FRMD5: variants seen among roughly 807,000 people sequenced by gnomAD.
The protein encoded by FRMD5 is FERM domain containing 5.
Under a neutral mutation model 69.0 loss-of-function variants are expected in FRMD5, and 20 were observed. The ratio of observed to expected loss-of-function variants is 0.29; its 90% CI spans 0.20 to 0.42. FRMD5 has a LOEUF of 0.42. Ranked by LOEUF, FRMD5 falls within the 10% of genes least tolerant of loss-of-function variation. The pLI is 1.00. For missense variants in FRMD5, 595 were observed against 708.6 expected (o/e 0.84, Z 1.82); for synonymous variants, 271 against 260.1 (o/e 1.04, Z -0.40).
At chr15:44,029,916 T>G (rs1305901631) in intron 1 of FRMD5, among the ~76,000 whole-genome samples, 5 of 152,222 alleles carry the variant, frequency 3.3e-5, no homozygotes, top group Non-Finnish European at 7.3e-5. Context: ...AACTTATGAA[T>G]GAAAAGCCTC....
intron 2 of FRMD5, 89 bp from the exon 3 acceptor site, chr15:43,919,898 T>C (rs1249444641): frequency 2.5e-6 from 3 of 1,223,062 alleles, no homozygotes; most frequent in South Asian, 1.2e-5. Flanking sequence ...ACTAGACAGA[T>C]TGTAGCCTAG....
At chr15:44,069,303 T>C (rs1381125461) in intron 1 of FRMD5, among the ~76,000 whole-genome samples, 1 of 152,136 alleles carries the variant, frequency 6.6e-6, no homozygotes, top group Non-Finnish European at 1.5e-5. Context: ...AACTACCACA[T>C]AACCTAGCAT....
intron 1 of FRMD5, among the ~76,000 whole-genome samples, chr15:43,995,136 A>G (rs557463709): frequency 6.6e-6 from 1 of 152,358 alleles, no homozygotes; most frequent in African/African-American, 2.4e-5. Flanking sequence ...AAAACAATAT[A>G]GTATTTGCAT....
intron 1 of FRMD5, among the ~76,000 whole-genome samples, chr15:44,015,193 C>T (rs1890901797): frequency 6.6e-6 from 1 of 151,086 alleles, no homozygotes; most frequent in Admixed American, 6.6e-5. Context: ...TGGAGTATAA[C>T]AGTGTGATCA....
chr15:43,931,015 G>A lies in FRMD5; in HGVS notation c.103-6706C>T, dbSNP rs115085449. On this transcript the variant is annotated intron_variant, in intron 1 of 13. Coordinates refer to ENST00000417257, the MANE Select transcript of FRMD5 (RefSeq NM_032892.5). ...GGCTAACAAGAGGGCCAGTCTTATT[G>A]AGATATCAGTGGTGATGCTTCAAGA... 4.6e-3 allele frequency among the ~76,000 whole-genome samples: 697 copies of A among 152,316 alleles called. 10 individuals are homozygous for A. The highest frequency in any genetic ancestry group is 0.016 in the African/African-American group (663 of 41,554).
intron 1 of FRMD5, among the ~76,000 whole-genome samples, chr15:43,951,980 T>TGTGTTG (rs1443393652): frequency 9.3e-6 from 1 of 107,736 alleles, no homozygotes; most frequent in East Asian, 2.4e-4. Flanking sequence ...TGTGTGTGTG[T>TGTGTTG]TGTGTGTGTG....
intron 13 of FRMD5, chr15:43,879,394 C>G: frequency 2.5e-6 from 1 of 397,850 alleles, no homozygotes; most frequent in Admixed American, 4.4e-5. Flanking sequence ...AAGCCACCAC[C>G]TGTCCTGCCA....
intron 1 of FRMD5, among the ~76,000 whole-genome samples, chr15:43,970,075 T>C (rs2090352337): frequency 6.6e-6 from 1 of 152,204 alleles, no homozygotes; most frequent in Admixed American, 6.5e-5. Flanking sequence ...GAACTGGATT[T>C]TGTGCTTAAT....
intron 1 of FRMD5, among the ~76,000 whole-genome samples, chr15:44,041,238 C>T (rs1444980802): frequency 6.6e-6 from 1 of 152,096 alleles, no homozygotes; most frequent in Non-Finnish European, 1.5e-5. Flanking sequence ...TAGACTCCCA[C>T]ACAATGATAC....
rs2088222502 is a variant in FRMD5, at chr15:43,873,546, ATT to A, written c.*337_*338del. Reference sequence around the variant, plus strand: ...GCAATAATCAGTAATAGTAAAATAAATTATTTTTATTTGATACTTCAAAATAA... The same window carrying A: ...GCAATAATCAGTAATAGTAAAATAAAATTTTTATTTGATACTTCAAAATAA... On this transcript the variant is annotated 3_prime_UTR_variant, in exon 14 of 14. Transcript: ENST00000417257. 7.2e-7 allele frequency: 1 copy of A among 1,387,800 alleles called. No individual in the cohort carries two copies. 86.0% of individuals were successfully genotyped at this position (1,387,800 alleles called of 1,614,324 possible). A position where few individuals can be genotyped will look rare whatever the true frequency, so the allele number is the denominator to read the frequency against.
intron 1 of FRMD5, among the ~76,000 whole-genome samples, chr15:44,038,513 G>A (rs1174846406): frequency 6.6e-5 from 1 of 15,256 alleles, no homozygotes; most frequent in Non-Finnish European, 2.6e-4. Context: ...CATATGGCTA[G>A]CCAGAGCTTT....
Position 43,921,354 on chromosome 15 carries a change from T to C in FRMD5, c.208-1545A>G, listed in dbSNP as rs74009158. On this transcript the variant is annotated intron_variant, in intron 2 of 13. Transcript: ENST00000417257. ...ACAAAGGAAGGTAGAAATTAATGAC[T>C]GTGAGATGCATTATCAGCAGAGGGC... Among the ~76,000 whole-genome samples, 281 of 152,290 alleles carry C rather than the reference T, an allele frequency of 1.8e-3. 1 individual carries two copies. The highest frequency in any genetic ancestry group is 6.4e-3 in the African/African-American group (268 of 41,566).
At chr15:44,128,636 G>A (rs1008391451) in intron 1 of FRMD5, among the ~76,000 whole-genome samples, 1 of 152,098 alleles carries the variant, frequency 6.6e-6, no homozygotes, top group Admixed American at 6.5e-5. Context: ...TCCTAGATAT[G>A]TGCTTACCTA....
intron 1 of FRMD5, among the ~76,000 whole-genome samples, chr15:44,191,715 C>A (rs2078196394): frequency 6.6e-6 from 1 of 151,544 alleles, no homozygotes; most frequent in South Asian, 2.1e-4. Context: ...TCAAGTCCAG[C>A]CTAGGCAACA....
chr15:43,898,556 A>C (rs545143657), intron 7 of FRMD5, among the ~76,000 whole-genome samples: 3 of 152,210 alleles, frequency 2.0e-5, no homozygotes, highest in African/African-American at 7.2e-5. Flanking sequence ...CCGTAACAGG[A>C]CATCTCCGTA....
chr15:44,049,542 CAT>C (rs1892568228), intron 1 of FRMD5, among the ~76,000 whole-genome samples: 2 of 151,986 alleles, frequency 1.3e-5, no homozygotes, highest in Non-Finnish European at 2.9e-5. Flanking sequence ...TGGAAAGTGA[CAT>C]AATCAAATTA....
chr15:44,103,803 T>C (rs1193445945), intron 1 of FRMD5, among the ~76,000 whole-genome samples: 1 of 152,230 alleles, frequency 6.6e-6, no homozygotes, highest in Non-Finnish European at 1.5e-5. Flanking sequence ...CAACAATGGA[T>C]CTCATATATG....
At chr15:44,070,321 A>T (rs1893486542) in intron 1 of FRMD5, among the ~76,000 whole-genome samples, 1 of 151,842 alleles carries the variant, frequency 6.6e-6, no homozygotes, top group African/African-American at 2.4e-5. Flanking sequence ...AAATAAAAAT[A>T]AGAAAAAAAA....
At chr15:44,066,341 C>CTA (rs909411310) in intron 1 of FRMD5, among the ~76,000 whole-genome samples, 1 of 152,134 alleles carries the variant, frequency 6.6e-6, no homozygotes, top group Non-Finnish European at 1.5e-5. Flanking sequence ...CTTTCAAAAG[C>CTA]TATAATACGA....
Sources: gnomAD v4.1 joint callset for allele counts (sites outside exome capture counted in the v4.1 genomes callset) on GRCh38, gnomAD v4.1.1 for gene constraint, MANE v1.5 for transcripts, NCBI Gene and HGNC (gene_info 2026-07-23, HGNC 2026-07-21) for gene names.